The following PALM2AKAP2 variants were observed in gnomAD, a reference collection of about 807,000 sequenced individuals.
PALM2AKAP2 encodes PALM2 and AKAP2 fusion.
PALM2AKAP2 carries 37 observed loss-of-function variants against 71.5 expected under a neutral mutation model. The observed-to-expected ratio is 0.52, with a 90% CI of 0.40 to 0.68. The LOEUF is 0.68. Among genes scored for constraint, PALM2AKAP2 ranks in the 30% least tolerant of loss-of-function variants. The pLI, the probability that PALM2AKAP2 is intolerant of heterozygous loss-of-function variation, is 0.00. For synonymous variants in PALM2AKAP2, 468 were observed against 478.8 expected, an observed-to-expected ratio of 0.98 and a Z score of 0.29; for missense variants, 1,224 against 1,191.8, an observed-to-expected ratio of 1.03 and a Z score of -0.40.
chr9:110,128,927 T>G (rs1835675528), intron 1 of PALM2AKAP2, among the ~76,000 whole-genome samples: 1 of 152,242 alleles, frequency 6.6e-6, no homozygotes, highest in African/African-American at 2.4e-5. Context: ...GGGGCAGGGA[T>G]CAGGGCCCTG....
chr9:109,739,055 T>A (rs376254889), intron 1 of PALM2AKAP2, among the ~76,000 whole-genome samples: 1 of 152,252 alleles, frequency 6.6e-6, no homozygotes, highest in East Asian at 1.9e-4. Context: ...ATGTATTACC[T>A]CATTTGGTTC....
chr9:110,074,499 A>G (rs1834276321), intron 1 of PALM2AKAP2, among the ~76,000 whole-genome samples: 1 of 152,190 alleles, frequency 6.6e-6, no homozygotes, highest in African/African-American at 2.4e-5. Context: ...GTAGAATTCC[A>G]TCAATGTTAA....
intron 1 of PALM2AKAP2, among the ~76,000 whole-genome samples, chr9:109,842,442 A>G (rs1828722379): frequency 6.6e-6 from 1 of 152,188 alleles, no homozygotes; most frequent in Admixed American, 6.5e-5. Flanking sequence ...TTTGATTGCA[A>G]TTTGCCACTT....
At chr9:109,723,799 T>A (rs1188099872) in intron 1 of PALM2AKAP2, among the ~76,000 whole-genome samples, 1 of 152,180 alleles carries the variant, frequency 6.6e-6, no homozygotes, top group Non-Finnish European at 1.5e-5. Context: ...GTGTGTAGGC[T>A]CCTTAGCAGC....
At chr9:109,866,385 A>G (rs1221836370) in intron 1 of PALM2AKAP2, among the ~76,000 whole-genome samples, 2 of 152,290 alleles carry the variant, frequency 1.3e-5, no homozygotes, top group African/African-American at 2.4e-5. Context: ...AGTATAGTAA[A>G]TGTCTCAGCA....
intron 1 of PALM2AKAP2, among the ~76,000 whole-genome samples, chr9:109,651,977 A>AAAATGTGAT (rs1395085134): frequency 1.3e-5 from 2 of 152,182 alleles, no homozygotes; most frequent in East Asian, 3.9e-4. Context: ...GTGCTATTTA[A>AAAATGTGAT]AAATGTGATA....
chr9:109,971,282 CCT>C (rs1832061428), intron 6 of PALM2AKAP2, among the ~76,000 whole-genome samples: 1 of 100,746 alleles, frequency 9.9e-6, no homozygotes, highest in African/African-American at 3.7e-5. Context: ...ACTCTTAGTC[CCT>C]TTTTTTTTTT....
chr9:109,833,186 C>G (rs1344923193), intron 1 of PALM2AKAP2, among the ~76,000 whole-genome samples: 4 of 152,234 alleles, frequency 2.6e-5, no homozygotes, highest in African/African-American at 9.6e-5. Context: ...GAAACCCTGT[C>G]TCTACTAAAA....
chr9:109,701,484 G>A (rs189597294), intron 1 of PALM2AKAP2, among the ~76,000 whole-genome samples: 1,777 of 152,258 alleles, frequency 0.012, 40 homozygotes, highest in African/African-American at 0.04. Flanking sequence ...ACAAAAACAA[G>A]AAATGGGGAA....
At chr9:109,801,293 C>T (rs1384182457) in intron 1 of PALM2AKAP2, among the ~76,000 whole-genome samples, 1 of 152,092 alleles carries the variant, frequency 6.6e-6, no homozygotes, top group Non-Finnish European at 1.5e-5. Flanking sequence ...GAACCTAGAA[C>T]CCAGCCTTGC....
chr9:109,966,925 A>G lies in PALM2AKAP2; in HGVS notation c.496+34897A>G, dbSNP rs988813323. ...GAGTAGCAAAGTTGTTAAGGAACGGAGTTCCATCACGGTGTTTCTAGGATT... is the reference window on the plus strand; with the variant it reads ...GAGTAGCAAAGTTGTTAAGGAACGGGGTTCCATCACGGTGTTTCTAGGATT... On this transcript the variant is annotated intron_variant, in intron 6 of 9. Coordinates refer to the PALM2AKAP2 transcript ENST00000302798. Among the ~76,000 whole-genome samples, 3 of 152,216 alleles carry G rather than the reference A, an allele frequency of 2.0e-5. No individual in the cohort carries two copies. The East Asian group carries it at 5.8e-4, about 29-fold the overall frequency.
chr9:109,717,132 G>A (rs1222000887), intron 1 of PALM2AKAP2, among the ~76,000 whole-genome samples: 1 of 152,162 alleles, frequency 6.6e-6, no homozygotes, highest in Non-Finnish European at 1.5e-5. Context: ...TCTTGACCCA[G>A]TAGGGGCCTG....
At chr9:110,007,670 C>T (rs895772098) in intron 6 of PALM2AKAP2, among the ~76,000 whole-genome samples, 1 of 152,148 alleles carries the variant, frequency 6.6e-6, no homozygotes, top group Non-Finnish European at 1.5e-5. Context: ...TGAGATGCCA[C>T]TGTAGGGAAC....
intron 3 of PALM2AKAP2, among the ~76,000 whole-genome samples, chr9:110,165,316 ACACAC>A (rs1836709221): frequency 7.7e-6 from 1 of 130,282 alleles, no homozygotes; most frequent in African/African-American, 2.6e-5. Flanking sequence ...ACACACACAC[ACACAC>A]ACACACACGT....
At chr9:109,688,305 T>A (rs913538813) in intron 1 of PALM2AKAP2, among the ~76,000 whole-genome samples, 1 of 152,224 alleles carries the variant, frequency 6.6e-6, no homozygotes, top group Non-Finnish European at 1.5e-5. Context: ...TGTTCTTGAT[T>A]TCTGTATGTA....
chr9:110,125,406 G>A (rs1050102216), intron 1 of PALM2AKAP2: 8 of 787,980 alleles, frequency 1.0e-5, no homozygotes, highest in Admixed American at 6.2e-5. Flanking sequence ...AGGCCTCTCC[G>A]AAGGAGGTTA....
At chr9:109,980,953 G>A (rs937348852) in intron 6 of PALM2AKAP2, among the ~76,000 whole-genome samples, 6 of 152,220 alleles carry the variant, frequency 3.9e-5, no homozygotes, top group African/African-American at 1.4e-4. Flanking sequence ...GTGCCTCCCA[G>A]CTTCGTGGTT....
chr9:109,671,661 T>C (rs1245617187), intron 1 of PALM2AKAP2, among the ~76,000 whole-genome samples: 1 of 152,178 alleles, frequency 6.6e-6, no homozygotes, highest in Non-Finnish European at 1.5e-5. Context: ...AGGAATAACA[T>C]TGAATCGGTA....
intron 3 of PALM2AKAP2, among the ~76,000 whole-genome samples, chr9:109,914,333 T>G (rs1323707527): frequency 1.3e-5 from 2 of 152,210 alleles, no homozygotes; most frequent in East Asian, 3.8e-4. Flanking sequence ...TATAGCACTT[T>G]CACTTACATG....
Sources: gnomAD v4.1 joint callset for allele counts (sites outside exome capture counted in the v4.1 genomes callset) on GRCh38, gnomAD v4.1.1 for gene constraint, MANE v1.5 for transcripts, NCBI Gene and HGNC (gene_info 2026-07-23, HGNC 2026-07-21) for gene names.